Variants in DLG2 observed in about 807,000 individuals in gnomAD.
The protein encoded by DLG2 is discs large MAGUK scaffold protein 2, also known as disks large homolog 2.
DLG2 carries 45 observed loss-of-function variants against 132.5 expected under a neutral mutation model. That is an observed-to-expected ratio of 0.34 (90% CI 0.27 to 0.44). DLG2 has a LOEUF of 0.44. Among genes scored for constraint, DLG2 ranks in the 20% least tolerant of loss-of-function variants. The probability of loss-of-function intolerance (pLI) is 1.00; values close to 1 mark genes in which losing one functional copy is unlikely to be tolerated. For missense variants in DLG2, 1,045 were observed against 1,196.9 expected, an observed-to-expected ratio of 0.87 and a Z score of 1.87; for synonymous variants, 424 against 419.6, an observed-to-expected ratio of 1.01 and a Z score of -0.13.
At chr11:85,108,291 G>C (rs1284875157) in intron 6 of DLG2, among the ~76,000 whole-genome samples, 1 of 152,022 alleles carries the variant, frequency 6.6e-6, no homozygotes, top group Non-Finnish European at 1.5e-5. Flanking sequence ...GAATGTAGGA[G>C]AGAATAAACT....
chr11:85,496,703 T>C (rs1463875557), intron 3 of DLG2, among the ~76,000 whole-genome samples: 1 of 152,056 alleles, frequency 6.6e-6, no homozygotes, highest in Non-Finnish European at 1.5e-5. Flanking sequence ...CTCGTGCCCC[T>C]CTCAGATGAA....
At chr11:85,005,783 G>A (rs2058604564) in intron 6 of DLG2, among the ~76,000 whole-genome samples, 1 of 152,158 alleles carries the variant, frequency 6.6e-6, no homozygotes. Context: ...AGTGGTGAGA[G>A]TGGGCATTCC....
At chr11:85,228,583 C>T (rs2075111449) in intron 4 of DLG2, among the ~76,000 whole-genome samples, 1 of 152,012 alleles carries the variant, frequency 6.6e-6, no homozygotes, top group African/African-American at 2.4e-5. Context: ...TACCTCACTA[C>T]CTCTGATTAT....
intron 8 of DLG2, among the ~76,000 whole-genome samples, chr11:84,207,291 T>C (rs1261532878): frequency 1.3e-5 from 2 of 151,970 alleles, no homozygotes; most frequent in Non-Finnish European, 2.9e-5. Context: ...TTTGGTAAGT[T>C]GACCCCAAAG....
At chr11:85,500,310 A>T (rs1173424592) in intron 3 of DLG2, among the ~76,000 whole-genome samples, 1 of 138,616 alleles carries the variant, frequency 7.2e-6, no homozygotes, top group African/African-American at 3.2e-5. Flanking sequence ...CAAACACCGC[A>T]TATTCTCACT....
chr11:85,115,794 ACTC>A (rs1566880308), intron 5 of DLG2, among the ~76,000 whole-genome samples: 3 of 151,938 alleles, frequency 2.0e-5, no homozygotes, highest in African/African-American at 4.8e-5. Flanking sequence ...TTGTCAAGAA[ACTC>A]CTCAATTCTG....
chr11:84,478,965 T>C (rs2099129378), intron 7 of DLG2, among the ~76,000 whole-genome samples: 1 of 152,094 alleles, frequency 6.6e-6, no homozygotes, highest in African/African-American at 2.4e-5. Context: ...GCATAGGTGT[T>C]ACATTATTTG....
Position 84,135,316 on chromosome 11 carries a change from G to C in DLG2, c.624+28145C>G, listed in dbSNP as rs556037903. On this transcript the variant is annotated intron_variant, in intron 9 of 27. Coordinates refer to ENST00000376104, the MANE Select transcript of DLG2 (RefSeq NM_001142699.3). ...TAAATGGCTACAAAATTGTGGCAGGGAAGATAACTAGGATGCTATTTTCTT... is the reference window on the plus strand; with the variant it reads ...TAAATGGCTACAAAATTGTGGCAGGCAAGATAACTAGGATGCTATTTTCTT... Among the ~76,000 whole-genome samples, 55 of 152,224 alleles carry C rather than the reference G, an allele frequency of 3.6e-4. 1 individual carries two copies. The highest frequency in any genetic ancestry group is 1.3e-3 in the African/African-American group (55 of 41,546).
At chr11:85,260,494 G>A (rs919021841) in intron 4 of DLG2, among the ~76,000 whole-genome samples, 1 of 152,048 alleles carries the variant, frequency 6.6e-6, no homozygotes, top group African/African-American at 2.4e-5. Flanking sequence ...GTCACTTTTG[G>A]TTGTACCTCC....
chr11:84,604,743 T>C (rs2099582459), intron 6 of DLG2, among the ~76,000 whole-genome samples: 1 of 152,026 alleles, frequency 6.6e-6, no homozygotes, highest in South Asian at 2.1e-4. Flanking sequence ...GGACACTGAT[T>C]TTCATCTTTG....
At chr11:85,564,796 G>A (rs1396103938) in intron 3 of DLG2, among the ~76,000 whole-genome samples, 5 of 152,014 alleles carry the variant, frequency 3.3e-5, no homozygotes, top group Non-Finnish European at 7.4e-5. Context: ...AGAGATTTTG[G>A]TTGACATTGC....
chr11:83,910,725 A>G (rs969475734), intron 15 of DLG2, among the ~76,000 whole-genome samples: 7 of 152,128 alleles, frequency 4.6e-5, no homozygotes, highest in African/African-American at 1.7e-4. Flanking sequence ...AAGTACAGCT[A>G]TTTTAACTTA....
chr11:84,333,627 A>C (rs2098471038), intron 7 of DLG2, among the ~76,000 whole-genome samples: 1 of 152,216 alleles, frequency 6.6e-6, no homozygotes, highest in Admixed American at 6.5e-5. Context: ...GAATGAAGAA[A>C]TCCACAGAAG....
intron 6 of DLG2, among the ~76,000 whole-genome samples, chr11:84,681,205 G>A (rs2099728931): frequency 6.6e-6 from 1 of 152,130 alleles, no homozygotes; most frequent in East Asian, 1.9e-4. Context: ...ACTGTCCTGA[G>A]GACCACTTCA....
In DLG2 at chr11:84,042,793, A is replaced by C. The variant is rs955816415; in HGVS notation, c.919+16522T>G. On this transcript the variant is annotated intron_variant, in intron 11 of 27. Transcript: ENST00000376104. The stretch of plus-strand genomic sequence containing the variant: ...AAACTAAAGCAGGATCAGAAAACCA[A>C]ACACCACATGTTCTCACTTATAAGT... Among the ~76,000 whole-genome samples, 6 of 151,920 alleles carry C rather than the reference A, an allele frequency of 3.9e-5. No homozygotes were observed. In the East Asian group the frequency reaches 1.2e-3, roughly 29 times the overall value.
chr11:84,193,302 A>G (rs2096451662), intron 8 of DLG2, among the ~76,000 whole-genome samples: 1 of 152,222 alleles, frequency 6.6e-6, no homozygotes, highest in Non-Finnish European at 1.5e-5. Flanking sequence ...CAACCCAGCC[A>G]CATCACCTGG....
intron 6 of DLG2, among the ~76,000 whole-genome samples, chr11:84,737,009 G>C (rs1388239951): frequency 1.3e-5 from 2 of 151,876 alleles, no homozygotes; most frequent in African/African-American, 4.8e-5. Flanking sequence ...TTTCACATAA[G>C]TTTCTTATCA....
At chr11:83,639,244 C>G (rs1414866942) in intron 18 of DLG2, among the ~76,000 whole-genome samples, 1 of 152,180 alleles carries the variant, frequency 6.6e-6, no homozygotes, top group African/African-American at 2.4e-5. Flanking sequence ...TCAGTCACGA[C>G]CTCATCCAGG....
chr11:84,712,374 C>T (rs926099969), intron 6 of DLG2, among the ~76,000 whole-genome samples: 18 of 152,024 alleles, frequency 1.2e-4, no homozygotes, highest in African/African-American at 4.1e-4. Flanking sequence ...GTCAAAAGGT[C>T]AATGCAGCCT....
Sources: allele counts gnomAD v4.1 joint callset (sites outside exome capture counted in the v4.1 genomes callset), GRCh38; gene constraint gnomAD v4.1.1; transcripts MANE v1.5; gene names NCBI Gene and HGNC (gene_info 2026-07-23, HGNC 2026-07-21).